Variants in KCNIP1 observed in about 807,000 individuals in gnomAD.
The protein encoded by KCNIP1 is potassium voltage-gated channel interacting protein 1.
In KCNIP1, 18 loss-of-function variants were observed where a neutral mutation model predicts 33.0. The observed-to-expected ratio is 0.55, with a 90% CI of 0.38 to 0.81. The LOEUF (loss-of-function observed/expected upper bound fraction) is 0.81. KCNIP1 is among the 30% of genes least tolerant of loss of function. KCNIP1 has a pLI of 0.00. For synonymous variants in KCNIP1, 93 were observed against 98.3 expected, an observed-to-expected ratio of 0.95 and a Z score of 0.32; for missense variants, 238 against 271.6, an observed-to-expected ratio of 0.88 and a Z score of 0.87.
chr5:170,415,448 A>G (rs1043516283), intron 1 of KCNIP1, among the ~76,000 whole-genome samples: 1 of 151,734 alleles, frequency 6.6e-6, no homozygotes, highest in South Asian at 2.1e-4. Context: ...TACCAGAGGC[A>G]CCCCCCACCC....
chr5:170,417,788 A>G (rs372750400), intron 1 of KCNIP1, among the ~76,000 whole-genome samples: 2 of 152,306 alleles, frequency 1.3e-5, no homozygotes, highest in East Asian at 3.9e-4. Context: ...TGAGAATCCA[A>G]CGAATACATT....
At chr5:170,699,767 C>T (rs1335843519) in intron 1 of KCNIP1, among the ~76,000 whole-genome samples, 2 of 152,060 alleles carry the variant, frequency 1.3e-5, no homozygotes, top group Non-Finnish European at 2.9e-5. Context: ...AAACACACTT[C>T]CTTCCCCTTC....
At chr5:170,549,343 G>A (rs886090547) in intron 1 of KCNIP1, among the ~76,000 whole-genome samples, 1 of 152,164 alleles carries the variant, frequency 6.6e-6, no homozygotes, top group Non-Finnish European at 1.5e-5. Context: ...GGGTGCAAGT[G>A]CAGTTTCGTT....
chr5:170,531,972 C>T (rs901897643), intron 1 of KCNIP1, among the ~76,000 whole-genome samples: 3 of 152,226 alleles, frequency 2.0e-5, no homozygotes, highest in African/African-American at 7.2e-5. Context: ...CTTTCAACTT[C>T]TTCTCTCACT....
At chr5:170,375,641 C>A (rs1763970112) in intron 1 of KCNIP1, 2 of 152,972 alleles carry the variant, frequency 1.3e-5, no homozygotes, top group Admixed American at 6.6e-5. Flanking sequence ...GCTGGCTCTG[C>A]TGAGTTCTGT....
At chr5:170,378,642 A>G in intron 1 of KCNIP1, 1 of 1,517,300 alleles carries the variant, frequency 6.6e-7, no homozygotes. Context: ...AGTGGGGAGC[A>G]GCCCTGGGGG....
chr5:170,359,389 TATC>T (rs1326971684), intron 1 of KCNIP1, among the ~76,000 whole-genome samples: 4 of 152,172 alleles, frequency 2.6e-5, no homozygotes, highest in Admixed American at 6.5e-5. Flanking sequence ...ACCTGTGAGA[TATC>T]ATCATCCCTC....
chr5:170,544,321 T>C (rs774523651), intron 1 of KCNIP1, among the ~76,000 whole-genome samples: 8 of 152,188 alleles, frequency 5.3e-5, no homozygotes, highest in Non-Finnish European at 1.0e-4. Context: ...GAAAGCTTAC[T>C]AAGTTGATTC....
Position 170,683,889 on chromosome 5 carries a change from AGTGTATGT to A in KCNIP1, c.62-34864_62-34857del, listed in dbSNP as rs370408538. ...CAGGCATACACCACTATGCCCAGCT[AGTGTATGT>A]GTGTGTGTGTGTGTGTGTGTGTGTG... On this transcript the variant is annotated intron_variant, in intron 1 of 7. Transcript: ENST00000328939. Among the ~76,000 whole-genome samples, 1,120 of 124,674 alleles carry A rather than the reference AGTGTATGT, an allele frequency of 9.0e-3. 15 individuals are homozygous for A. Among genetic ancestry groups the A allele is most frequent in the African/African-American group, 0.024 (866 of 36,322 alleles). The allele number at this position is 124,674 out of a possible 152,430, so 81.8% of individuals were successfully genotyped here. A position where few individuals can be genotyped will look rare whatever the true frequency, so the allele number is the denominator to read the frequency against.
At chr5:170,359,229 C>T (rs1763436380) in intron 1 of KCNIP1, among the ~76,000 whole-genome samples, 1 of 152,186 alleles carries the variant, frequency 6.6e-6, no homozygotes, top group Non-Finnish European at 1.5e-5. Context: ...CCATGGCTCT[C>T]CCTTCTTACA....
intron 1 of KCNIP1, among the ~76,000 whole-genome samples, chr5:170,508,055 G>T (rs1271283874): frequency 1.3e-5 from 2 of 152,202 alleles, no homozygotes; most frequent in Admixed American, 1.3e-4. Flanking sequence ...GACCATACAG[G>T]TGCAGCTGCT....
chr5:170,699,826 C>T (rs1461408479), intron 1 of KCNIP1, among the ~76,000 whole-genome samples: 9 of 152,242 alleles, frequency 5.9e-5, no homozygotes, highest in Admixed American at 3.3e-4. Context: ...CACAGGCCCT[C>T]GATTGCCATG....
At chr5:170,485,031 C>T (rs565206767) in intron 1 of KCNIP1, among the ~76,000 whole-genome samples, 1 of 149,544 alleles carries the variant, frequency 6.7e-6, no homozygotes, top group African/African-American at 2.5e-5. Flanking sequence ...ATCTCTGCCT[C>T]CTAGTTTCAA....
chr5:170,593,297 T>G (rs1184185365), intron 1 of KCNIP1, among the ~76,000 whole-genome samples: 1 of 152,194 alleles, frequency 6.6e-6, no homozygotes, highest in African/African-American at 2.4e-5. Context: ...CTGGAGACTC[T>G]CCACACCTCC....
intron 1 of KCNIP1, among the ~76,000 whole-genome samples, chr5:170,538,661 C>A (rs1196607962): frequency 6.6e-6 from 1 of 151,826 alleles, no homozygotes; most frequent in African/African-American, 2.4e-5. Context: ...TAATGAGACC[C>A]AGATGCTGCC....
At chr5:170,681,006 A>C (rs954982649) in intron 1 of KCNIP1, 4 of 399,174 alleles carry the variant, frequency 1.0e-5, no homozygotes, top group African/African-American at 8.2e-5. Flanking sequence ...GAGGCTTGGA[A>C]GCCTGGTTTT....
At chr5:170,530,341 C>T (rs1010817131) in intron 1 of KCNIP1, among the ~76,000 whole-genome samples, 7 of 152,276 alleles carry the variant, frequency 4.6e-5, no homozygotes, top group East Asian at 3.9e-4. Flanking sequence ...AGAGGCTTTG[C>T]GTAACTGCTC....
chr5:170,531,791 T>C (rs59826142), intron 1 of KCNIP1, among the ~76,000 whole-genome samples: 7,384 of 143,292 alleles, frequency 0.052, 592 homozygotes, highest in African/African-American at 0.16. Context: ...CCCCACCTCA[T>C]GCCCCACCCC....
intron 1 of KCNIP1, among the ~76,000 whole-genome samples, chr5:170,456,314 T>C (rs1392914786): frequency 6.6e-6 from 1 of 150,972 alleles, no homozygotes; most frequent in Non-Finnish European, 1.5e-5. Context: ...TGTCGGAGGG[T>C]GGGGGGCAAG....
Sources: allele counts gnomAD v4.1 joint callset (sites outside exome capture counted in the v4.1 genomes callset), GRCh38; gene constraint gnomAD v4.1.1; transcripts MANE v1.5; gene names NCBI Gene and HGNC (gene_info 2026-07-23, HGNC 2026-07-21).